ICA1: variants seen among roughly 807,000 people sequenced by gnomAD.
ICA1 encodes the protein islet cell autoantigen 1.
ICA1 carries 40 observed loss-of-function variants against 71.0 expected under a neutral mutation model. That is an observed-to-expected ratio of 0.56 (90% confidence interval 0.44 to 0.73). The LOEUF (loss-of-function observed/expected upper bound fraction) is 0.73, where lower values mean the gene tolerates loss of function less well. Ranked by LOEUF, ICA1 falls within the 30% of genes least tolerant of loss-of-function variation. The pLI is 0.00. For synonymous variants in ICA1, 207 were observed against 209.5 expected (o/e 0.99, Z 0.10); for missense variants, 578 against 576.5 (o/e 1.00, Z -0.03).
intron 10 of ICA1, among the ~76,000 whole-genome samples, chr7:8,139,671 T>C (rs1794567912): frequency 6.6e-6 from 1 of 152,190 alleles, no homozygotes; most frequent in Non-Finnish European, 1.5e-5. Context: ...ACTATGGACT[T>C]TGGGTGATAA....
At chr7:8,218,705 T>C (rs1234754199) in intron 5 of ICA1, 2 of 591,898 alleles carry the variant, frequency 3.4e-6, no homozygotes, top group Non-Finnish European at 6.0e-6. Flanking sequence ...CATGTACCCA[T>C]CCCTTAGTTT....
In ICA1 at chr7:8,234,827, A is replaced by G. The variant is rs925119821; in HGVS notation, c.17+1083T>C. Among the ~76,000 whole-genome samples the G allele has an allele frequency of 6.6e-6, 1 of 152,194 alleles. No individual in the cohort carries two copies. The highest frequency in any genetic ancestry group is 2.4e-5 in the African/African-American group (1 of 41,452). ...AAGGTTGGAAGGATACACTCCAAAG[A>G]CTGATTATTTTAGGGGAATGGCATT... On this transcript the variant is annotated intron_variant, in intron 2 of 13. Coordinates refer to ENST00000402384, the MANE Select transcript of ICA1 (RefSeq NM_001136020.3). The surrounding 1 kb of genome is among the most constrained non-coding windows in gnomAD (Gnocchi z 4.5).
intron 6 of ICA1, among the ~76,000 whole-genome samples, chr7:8,164,535 A>G (rs958557082): frequency 3.0e-4 from 46 of 152,206 alleles, no homozygotes; most frequent in African/African-American, 1.1e-3. Flanking sequence ...CCTTTCCACC[A>G]GCCAGTTCTA....
intron 1 of ICA1, among the ~76,000 whole-genome samples, chr7:8,242,594 A>G (rs578086036): frequency 1.3e-5 from 2 of 151,730 alleles, no homozygotes; most frequent in African/African-American, 4.9e-5. Flanking sequence ...ATAAGACACA[A>G]AAAACCCTTC....
At chr7:8,243,303 C>A (rs1435658986) in intron 1 of ICA1, among the ~76,000 whole-genome samples, 1 of 152,162 alleles carries the variant, frequency 6.6e-6, no homozygotes, top group African/African-American at 2.4e-5. Context: ...TAAACAGAAT[C>A]ATCGACAAAA....
intron 3 of ICA1, 25 bp from the exon 4 acceptor site, chr7:8,228,698 GC>G: frequency 2.0e-6 from 3 of 1,513,228 alleles, no homozygotes; most frequent in Non-Finnish European, 2.7e-6. Context: ...CAAACAAAAT[GC>G]AAAATAAAAC....
rs35459366 is a variant in ICA1, at chr7:8,128,002, C to T, written c.1201G>A (p.Gly401Ser). The T allele has an allele frequency of 1.3e-3, 2,035 of 1,614,170 alleles. 27 individuals carry two copies. In the African/African-American group the frequency reaches 0.024, roughly 19 times the overall value. Residue 401 changes from glycine to serine, a missense_variant, in exon 13 of 14, where the codon GGC becomes AGC. Gly to Ser is a moderately conservative substitution (Grantham distance 56). Coordinates refer to ENST00000402384, the MANE Select transcript of ICA1 (RefSeq NM_001136020.3). Reference protein sequence around the residue: ...SKEWAAVFGDGQVKEPVPTMA... With the variant: ...SKEWAAVFGDSQVKEPVPTMA... Reference sequence around the variant, plus strand: ...GTGGGCACTGGCTCCTTCACTTGGCCGTCTCCAAACACAGCGGCCCACTCT... The same window carrying T: ...GTGGGCACTGGCTCCTTCACTTGGCTGTCTCCAAACACAGCGGCCCACTCT...
At chr7:8,167,765 C>T (rs1806635786) in intron 6 of ICA1, among the ~76,000 whole-genome samples, 2 of 152,144 alleles carry the variant, frequency 1.3e-5, no homozygotes, top group Admixed American at 1.3e-4. Flanking sequence ...GACATCTTTA[C>T]CCAAGTTGAA....
At chr7:8,202,026 A>G (rs1789894787) in intron 6 of ICA1, among the ~76,000 whole-genome samples, 1 of 152,174 alleles carries the variant, frequency 6.6e-6, no homozygotes, top group African/African-American at 2.4e-5. Context: ...AGTCAGCCCA[A>G]TGCCCTCCCT....
intron 3 of ICA1, among the ~76,000 whole-genome samples, chr7:8,228,897 T>G (rs1431398335): frequency 6.6e-6 from 1 of 152,174 alleles, no homozygotes; most frequent in Non-Finnish European, 1.5e-5. Context: ...TGATCTAAAT[T>G]AAGATCTGCA....
At chr7:8,247,131 C>G (rs746348135) in intron 1 of ICA1, among the ~76,000 whole-genome samples, 1 of 152,034 alleles carries the variant, frequency 6.6e-6, no homozygotes, top group Non-Finnish European at 1.5e-5. Flanking sequence ...AATCGTCCCA[C>G]TTGTCATTAC....
chr7:8,127,506 A>G (rs1204369400), intron 13 of ICA1, among the ~76,000 whole-genome samples: 2 of 152,184 alleles, frequency 1.3e-5, no homozygotes, highest in African/African-American at 4.8e-5. Context: ...GTCAGCACCC[A>G]GGAAGAGGGC....
chr7:8,245,513 T>G (rs1805651913), intron 1 of ICA1, among the ~76,000 whole-genome samples: 1 of 152,094 alleles, frequency 6.6e-6, no homozygotes, highest in Admixed American at 6.6e-5. Context: ...ACTTATGTAA[T>G]GAGCCTGCAC....
At chr7:8,238,335 A>G (rs1802551348) in intron 1 of ICA1, among the ~76,000 whole-genome samples, 1 of 152,188 alleles carries the variant, frequency 6.6e-6, no homozygotes, top group African/African-American at 2.4e-5. Context: ...TAGCCATCCG[A>G]AGCATTGTGA....
chr7:8,199,530 G>C (rs945222226), intron 6 of ICA1, among the ~76,000 whole-genome samples: 1 of 152,078 alleles, frequency 6.6e-6, no homozygotes, highest in African/African-American at 2.4e-5. Flanking sequence ...GGCCAACATG[G>C]TGAAACCCTG....
intron 1 of ICA1, among the ~76,000 whole-genome samples, chr7:8,239,504 G>C (rs1363032510): frequency 6.6e-6 from 1 of 152,192 alleles, no homozygotes; most frequent in African/African-American, 2.4e-5. Context: ...GGTGATTTCT[G>C]CATTTCCAGC....
chr7:8,193,976 A>G lies in ICA1; in HGVS notation c.579+24329T>C, dbSNP rs185853629. 7.6e-4 allele frequency among the ~76,000 whole-genome samples: 116 copies of G among 152,328 alleles called. 1 individual carries two copies. Among genetic ancestry groups the G allele is most frequent in the Admixed American group, 5.4e-3 (83 of 15,306 alleles). On this transcript the variant is annotated intron_variant, in intron 6 of 13. Transcript: ENST00000402384. ...TTACCTCAACTGCCTCTGTCCTAAC[A>G]GCATTCTTTTCATTTTCCAAGTTCA...
At chr7:8,251,499 T>C (rs1808195275) in intron 1 of ICA1, among the ~76,000 whole-genome samples, 4 of 149,910 alleles carry the variant, frequency 2.7e-5, no homozygotes, top group Admixed American at 2.0e-4. Flanking sequence ...ACTCAAATTA[T>C]TTTCAGAGAC....
At chr7:8,180,102 A>G (rs139150039) in intron 6 of ICA1, among the ~76,000 whole-genome samples, 155 of 152,220 alleles carry the variant, frequency 1.0e-3, no homozygotes, top group African/African-American at 3.7e-3. Flanking sequence ...TTAAATATGT[A>G]TATACCCACA....
Sources: allele counts gnomAD v4.1 joint callset (sites outside exome capture counted in the v4.1 genomes callset), GRCh38; gene constraint gnomAD v4.1.1; non-coding constraint Gnocchi (gnomAD v3.1); transcripts MANE v1.5; gene names NCBI Gene and HGNC (gene_info 2026-07-23, HGNC 2026-07-21).